SPAG16: variants seen among roughly 807,000 people sequenced by gnomAD.
SPAG16 encodes the protein sperm-associated antigen 16 protein.
In SPAG16, 86 loss-of-function variants were observed where a neutral mutation model predicts 80.4. The ratio of observed to expected loss-of-function variants is 1.07; its 90% confidence interval spans 0.90 to 1.28. The LOEUF (loss-of-function observed/expected upper bound fraction) is 1.28, where lower values mean the gene tolerates loss of function less well. Ranked by LOEUF, SPAG16 falls within the 50% of genes most tolerant of loss-of-function variation. SPAG16 has a pLI of 0.00. For synonymous variants in SPAG16, 294 were observed against 265.9 expected (o/e 1.11, Z -1.03); for missense variants, 870 against 765.3 (o/e 1.14, Z -1.61).
At chr2:214,030,497 G>A (rs2125047218) in intron 13 of SPAG16, among the ~76,000 whole-genome samples, 1 of 152,198 alleles carries the variant, frequency 6.6e-6, no homozygotes, top group South Asian at 2.1e-4. Flanking sequence ...AATAGATCTT[G>A]TCAATTAATA....
At chr2:213,375,325 G>A (rs188699501) in intron 9 of SPAG16, 1 of 398,362 alleles carries the variant, frequency 2.5e-6, no homozygotes, top group Admixed American at 4.4e-5. Context: ...TAGTAGCAGA[G>A]ACAGCTCAGT....
intron 10 of SPAG16, among the ~76,000 whole-genome samples, chr2:213,723,261 G>A (rs1256071519): frequency 6.6e-6 from 1 of 152,016 alleles, no homozygotes; most frequent in Non-Finnish European, 1.5e-5. Flanking sequence ...CATGTGGCTG[G>A]CCAGCTTAGC....
chr2:213,991,890 T>TATTTATTC (rs1048402996), intron 12 of SPAG16, among the ~76,000 whole-genome samples: 3 of 151,434 alleles, frequency 2.0e-5, no homozygotes, highest in South Asian at 2.1e-4. Context: ...TTTATTTATT[T>TATTTATTC]ATTCTTGTTT....
At chr2:213,608,544 A>G (rs935067976) in intron 10 of SPAG16, among the ~76,000 whole-genome samples, 4 of 152,034 alleles carry the variant, frequency 2.6e-5, no homozygotes, top group Non-Finnish European at 5.9e-5. Context: ...TGGTGTATAT[A>G]TGCCACATTT....
chr2:214,173,501 C>T (rs910680106), intron 15 of SPAG16, among the ~76,000 whole-genome samples: 1 of 151,902 alleles, frequency 6.6e-6, no homozygotes, highest in Non-Finnish European at 1.5e-5. Context: ...GTTACTGTAG[C>T]CTTGTAGTAT....
chr2:214,091,476 T>A (rs2052203904), intron 13 of SPAG16, among the ~76,000 whole-genome samples: 1 of 152,118 alleles, frequency 6.6e-6, no homozygotes, highest in Admixed American at 6.6e-5. Context: ...ATGTACACAC[T>A]AACTTGCTGT....
chr2:213,920,046 C>T (rs960990143), intron 11 of SPAG16, among the ~76,000 whole-genome samples: 6 of 152,098 alleles, frequency 3.9e-5, no homozygotes, highest in Non-Finnish European at 7.4e-5. Flanking sequence ...ATGTAATGCT[C>T]CCCTTTTTTC....
intron 10 of SPAG16, among the ~76,000 whole-genome samples, chr2:213,751,657 C>G (rs573668045): frequency 1.3e-5 from 2 of 152,170 alleles, no homozygotes; most frequent in East Asian, 3.9e-4. Flanking sequence ...TATTGTGTCT[C>G]CCCTGACGCA....
chr2:213,801,936 G>A (rs767378700), intron 10 of SPAG16, among the ~76,000 whole-genome samples: 3 of 152,016 alleles, frequency 2.0e-5, no homozygotes, highest in South Asian at 2.1e-4. Context: ...CTTTATAAAC[G>A]CCAAGTCACA....
chr2:213,739,299 T>A (rs1019217451), intron 10 of SPAG16, among the ~76,000 whole-genome samples: 1 of 152,246 alleles, frequency 6.6e-6, no homozygotes, highest in Non-Finnish European at 1.5e-5. Flanking sequence ...AATGTAGGTT[T>A]CATTGCTTTT....
intron 15 of SPAG16, among the ~76,000 whole-genome samples, chr2:214,165,331 G>C (rs1026515772): frequency 6.6e-6 from 1 of 151,954 alleles, no homozygotes; most frequent in African/African-American, 2.4e-5. Context: ...GGGCTTCTTA[G>C]TAATAATACA....
At chr2:213,460,174 AT>A (rs1312885807) in intron 9 of SPAG16, among the ~76,000 whole-genome samples, 2 of 151,590 alleles carry the variant, frequency 1.3e-5, no homozygotes, top group Non-Finnish European at 2.9e-5. Context: ...TTGCATTTAC[AT>A]TTTTTTTCTT....
intron 13 of SPAG16, among the ~76,000 whole-genome samples, chr2:214,099,567 T>TA (rs1559791161): frequency 6.6e-6 from 1 of 152,066 alleles, no homozygotes; most frequent in East Asian, 1.9e-4. Context: ...TATGGTTTCA[T>TA]TTATATGAAC....
At chr2:213,484,320 G>A (rs558815282) in intron 9 of SPAG16, among the ~76,000 whole-genome samples, 9 of 152,110 alleles carry the variant, frequency 5.9e-5, no homozygotes, top group Non-Finnish European at 1.2e-4. Flanking sequence ...CAAACATAAA[G>A]GTCAAGTAAT....
intron 12 of SPAG16, among the ~76,000 whole-genome samples, chr2:213,964,693 C>T (rs1164578415): frequency 6.7e-6 from 1 of 149,170 alleles, no homozygotes; most frequent in Non-Finnish European, 1.5e-5. Context: ...GCCCAAAGAA[C>T]TCAAAATAGA....
chr2:214,144,936 A>G (rs560776232), intron 14 of SPAG16, among the ~76,000 whole-genome samples: 4 of 152,180 alleles, frequency 2.6e-5, no homozygotes, highest in South Asian at 2.1e-4. Context: ...ATAAAGACAT[A>G]GGGACTTTCA....
Position 214,010,158 on chromosome 2 carries a change from T to C in SPAG16, c.1401-3793T>C, listed in dbSNP as rs1380702005. Among the ~76,000 whole-genome samples the C allele has an allele frequency of 1.4e-5, 2 of 145,862 alleles. 1 individual carries two copies. Among genetic ancestry groups the C allele is most frequent in the Non-Finnish European group, 3.0e-5 (2 of 67,242 alleles). On this transcript the variant is annotated intron_variant, in intron 12 of 15. Transcript: ENST00000331683. ...TGATAGATGCAAATAAAAAGCAGAC[T>C]GAAAAAGATCAGGAAACAAGTGAAC...
At chr2:213,332,252 A>G (rs2064142728) in intron 5 of SPAG16, among the ~76,000 whole-genome samples, 2 of 152,142 alleles carry the variant, frequency 1.3e-5, no homozygotes, top group Admixed American at 6.6e-5. Context: ...AGTAGCTACT[A>G]TGACCAACTA....
chr2:213,558,745 T>C (rs2059509923), intron 10 of SPAG16, among the ~76,000 whole-genome samples: 1 of 152,158 alleles, frequency 6.6e-6, no homozygotes, highest in South Asian at 2.1e-4. Context: ...TAGTTAATTT[T>C]ACCTTTTTAT....
Sources: gnomAD v4.1 joint callset for allele counts (sites outside exome capture counted in the v4.1 genomes callset) on GRCh38, gnomAD v4.1.1 for gene constraint, MANE v1.5 for transcripts, NCBI Gene and HGNC (gene_info 2026-07-23, HGNC 2026-07-21) for gene names.